The following LRRTM4 variants were observed in gnomAD, a reference collection of about 807,000 sequenced individuals.
The protein encoded by LRRTM4 is leucine rich repeat transmembrane neuronal 4, also known as leucine-rich repeat transmembrane neuronal protein 4.
A neutral mutation model predicts 47.6 loss-of-function variants in LRRTM4; 25 were observed. The ratio of observed to expected loss-of-function variants is 0.53; its 90% CI spans 0.38 to 0.73. The LOEUF (loss-of-function observed/expected upper bound fraction) is 0.73, where lower values mean the gene tolerates loss of function less well. Ranked by LOEUF, LRRTM4 falls within the 30% of genes least tolerant of loss-of-function variation. The pLI is 0.00. For missense variants in LRRTM4, 638 were observed against 713.4 expected (o/e 0.89, Z 1.20); for synonymous variants, 311 against 269.5 (o/e 1.15, Z -1.51).
chr2:76,770,485 C>A (rs895940260), intron 3 of LRRTM4, among the ~76,000 whole-genome samples: 2 of 152,212 alleles, frequency 1.3e-5, no homozygotes, highest in Admixed American at 6.5e-5. Flanking sequence ...TATGTAACCC[C>A]CAGCCACCTA....
chr2:77,494,957 T>C (rs954098768), intron 3 of LRRTM4, among the ~76,000 whole-genome samples: 4 of 152,128 alleles, frequency 2.6e-5, no homozygotes, highest in African/African-American at 9.7e-5. Context: ...TTGAGATTCA[T>C]CTATGTTGTG....
chr2:76,901,125 T>G (rs1026855055), intron 3 of LRRTM4, among the ~76,000 whole-genome samples: 11 of 152,114 alleles, frequency 7.2e-5, no homozygotes, highest in African/African-American at 2.7e-4. Flanking sequence ...CCATGGTGGT[T>G]TGCTGCACCT....
chr2:76,901,798 C>G (rs1283627833), intron 3 of LRRTM4, among the ~76,000 whole-genome samples: 2 of 152,120 alleles, frequency 1.3e-5, no homozygotes, highest in Admixed American at 6.6e-5. Flanking sequence ...TACATGCACA[C>G]TGGATCTGGC....
chr2:76,792,655 T>C (rs538071554), intron 3 of LRRTM4, among the ~76,000 whole-genome samples: 1 of 152,198 alleles, frequency 6.6e-6, no homozygotes, highest in Non-Finnish European at 1.5e-5. Context: ...AATGATCAAT[T>C]CTCTGTTGAA....
intron 3 of LRRTM4, among the ~76,000 whole-genome samples, chr2:77,245,926 T>C (rs982682327): frequency 6.6e-6 from 1 of 152,138 alleles, no homozygotes. Context: ...AAATAGAGAT[T>C]TTGCCAATTG....
chr2:77,056,555 G>T (rs1291818708), intron 3 of LRRTM4, among the ~76,000 whole-genome samples: 1 of 151,636 alleles, frequency 6.6e-6, no homozygotes, highest in African/African-American at 2.4e-5. Flanking sequence ...GAAAGTAATT[G>T]AAAAAAGTAT....
At chr2:76,887,665 TTA>T (rs968862900) in intron 3 of LRRTM4, among the ~76,000 whole-genome samples, 28 of 150,208 alleles carry the variant, frequency 1.9e-4, no homozygotes, top group African/African-American at 6.3e-4. Context: ...ATGTTTGTAT[TTA>T]TATATATATG....
chr2:77,125,327 A>C (rs1671625703), intron 3 of LRRTM4, among the ~76,000 whole-genome samples: 1 of 152,200 alleles, frequency 6.6e-6, no homozygotes, highest in African/African-American at 2.4e-5. Flanking sequence ...CATCTGATGA[A>C]AAAGATATTC....
intron 3 of LRRTM4, among the ~76,000 whole-genome samples, chr2:77,080,386 T>C (rs1016284047): frequency 6.6e-6 from 1 of 152,186 alleles, no homozygotes; most frequent in Non-Finnish European, 1.5e-5. Flanking sequence ...ACATCCCATA[T>C]CCGACTGAAG....
chr2:76,800,102 C>T (rs1675579638), intron 3 of LRRTM4, among the ~76,000 whole-genome samples: 1 of 150,624 alleles, frequency 6.6e-6, no homozygotes, highest in Non-Finnish European at 1.5e-5. Flanking sequence ...GAAAAAACTA[C>T]TTTAAAGTTC....
chr2:77,121,045 A>G (rs926803544), intron 3 of LRRTM4, among the ~76,000 whole-genome samples: 5 of 151,812 alleles, frequency 3.3e-5, no homozygotes, highest in African/African-American at 1.2e-4. Flanking sequence ...TTTGGAAGAT[A>G]ATGACGAGAG....
intron 3 of LRRTM4, among the ~76,000 whole-genome samples, chr2:77,139,817 A>T (rs986633745): frequency 2.6e-5 from 4 of 151,982 alleles, no homozygotes; most frequent in South Asian, 4.1e-4. Flanking sequence ...ACAAGCATTC[A>T]TATACACCAA....
At chr2:77,357,618 T>C (rs905149222) in intron 3 of LRRTM4, among the ~76,000 whole-genome samples, 1 of 152,180 alleles carries the variant, frequency 6.6e-6, no homozygotes, top group Non-Finnish European at 1.5e-5. Context: ...TATTAGGTGT[T>C]AAGACAAAGG....
At chr2:77,026,061 G>A (rs550542897) in intron 3 of LRRTM4, among the ~76,000 whole-genome samples, 1 of 152,212 alleles carries the variant, frequency 6.6e-6, no homozygotes, top group Non-Finnish European at 1.5e-5. Flanking sequence ...CATTATAAAC[G>A]TTGACTAAAA....
At chr2:77,277,406 T>G (rs567169291) in intron 3 of LRRTM4, among the ~76,000 whole-genome samples, 18 of 152,142 alleles carry the variant, frequency 1.2e-4, no homozygotes, top group Non-Finnish European at 2.2e-4. Flanking sequence ...TTATAAAAAT[T>G]TATACTATAG....
At chr2:76,867,218 A>C (rs1313543922) in intron 3 of LRRTM4, among the ~76,000 whole-genome samples, 1 of 152,202 alleles carries the variant, frequency 6.6e-6, no homozygotes, top group East Asian at 1.9e-4. Context: ...CATGTATCTC[A>C]GAACTTAAAG....
chr2:77,120,133 G>C (rs552948373), intron 3 of LRRTM4, among the ~76,000 whole-genome samples: 2 of 151,882 alleles, frequency 1.3e-5, no homozygotes, highest in South Asian at 4.1e-4. Flanking sequence ...AGGAAGGTAG[G>C]AGCTATAAGA....
At chr2:77,194,508 G>A (rs1309878238) in intron 3 of LRRTM4, among the ~76,000 whole-genome samples, 1 of 152,082 alleles carries the variant, frequency 6.6e-6, no homozygotes, top group Non-Finnish European at 1.5e-5. Flanking sequence ...AGATTCACAT[G>A]GAAGATGCTA....
intron 1 of LRRTM4, 48 bp from the exon 2 acceptor site, chr2:77,521,866 T>C: frequency 3.9e-6 from 1 of 253,428 alleles, no homozygotes; most frequent in Non-Finnish European, 6.8e-6. Context: ...TACATATATA[T>C]ATATACATAT....
Sources: allele counts gnomAD v4.1 joint callset (sites outside exome capture counted in the v4.1 genomes callset), GRCh38; gene constraint gnomAD v4.1.1; transcripts MANE v1.5; gene names NCBI Gene and HGNC (gene_info 2026-07-23, HGNC 2026-07-21).